Variants in FBXL17 observed in about 807,000 individuals in gnomAD.
The protein encoded by FBXL17 is F-box/LRR-repeat protein 17.
A neutral mutation model predicts 66.2 loss-of-function variants in FBXL17; 22 were observed. The observed-to-expected ratio is 0.33, with a 90% CI of 0.24 to 0.47. FBXL17 has a LOEUF of 0.47. Ranked by LOEUF, FBXL17 falls within the 20% of genes least tolerant of loss-of-function variation. FBXL17 has a pLI of 1.00. For missense variants in FBXL17, 878 were observed against 948.2 expected, an observed-to-expected ratio of 0.93 and a Z score of 0.97; for synonymous variants, 474 against 400.5, an observed-to-expected ratio of 1.18 and a Z score of -2.19.
intron 5 of FBXL17, among the ~76,000 whole-genome samples, chr5:108,190,560 T>A (rs188929961): frequency 6.6e-6 from 1 of 152,214 alleles, no homozygotes; most frequent in African/African-American, 2.4e-5. Flanking sequence ...CATGCTTCCA[T>A]ATATATCTTA....
intron 7 of FBXL17, among the ~76,000 whole-genome samples, chr5:107,967,048 A>G (rs1752171039): frequency 6.6e-6 from 1 of 152,134 alleles, no homozygotes; most frequent in African/African-American, 2.4e-5. Flanking sequence ...TATCAATGTG[A>G]ATCAGTGGCA....
Position 108,073,973 on chromosome 5 carries a change from T to C in FBXL17, c.1746-52972A>G, listed in dbSNP as rs1047242840. On this transcript the variant is annotated intron_variant, in intron 6 of 8. Coordinates refer to ENST00000542267, the MANE Select transcript of FBXL17 (RefSeq NM_001163315.3). ...AGTCTCAGGTATTCCTATATAGCAATGCAAACAGACTAACACACTGGCCAA... is the reference window on the plus strand; with the variant it reads ...AGTCTCAGGTATTCCTATATAGCAACGCAAACAGACTAACACACTGGCCAA... 2.0e-5 allele frequency among the ~76,000 whole-genome samples: 3 copies of C among 152,310 alleles called. No individual in the cohort carries two copies. In the South Asian group the frequency reaches 6.2e-4, roughly 32 times the overall value.
chr5:108,223,385 T>C (rs962681), intron 5 of FBXL17, among the ~76,000 whole-genome samples: 8,524 of 152,250 alleles, frequency 0.056, 808 homozygotes, highest in African/African-American at 0.19. Context: ...TGCTCAGCTA[T>C]AATAAGTCGG....
intron 7 of FBXL17, among the ~76,000 whole-genome samples, chr5:107,950,176 A>G (rs1751450318): frequency 1.3e-5 from 2 of 152,096 alleles, no homozygotes; most frequent in Admixed American, 1.3e-4. Flanking sequence ...CTCCAAGAAA[A>G]AGACAGAAGT....
intron 7 of FBXL17, among the ~76,000 whole-genome samples, chr5:107,987,935 T>C (rs1408037363): frequency 6.6e-6 from 1 of 152,028 alleles, no homozygotes; most frequent in Non-Finnish European, 1.5e-5. Context: ...CTGAGACGAT[T>C]ATTTTGTAAA....
intron 6 of FBXL17, among the ~76,000 whole-genome samples, chr5:108,162,519 T>A (rs1752254814): frequency 6.6e-6 from 1 of 151,998 alleles, no homozygotes; most frequent in East Asian, 1.9e-4. Flanking sequence ...CATACAAAAA[T>A]CTGGTAAATG....
At chr5:108,203,638 G>A (rs1753990456) in intron 5 of FBXL17, among the ~76,000 whole-genome samples, 1 of 152,078 alleles carries the variant, frequency 6.6e-6, no homozygotes, top group South Asian at 2.1e-4. Context: ...TATCACTCAA[G>A]CACCTATAAT....
chr5:108,006,360 AAT>A (rs147370977), intron 7 of FBXL17, among the ~76,000 whole-genome samples: 7,242 of 152,224 alleles, frequency 0.048, 408 homozygotes, highest in East Asian at 0.19. Context: ...GCTCTACTTA[AAT>A]ATATTTTGAG....
At chr5:107,990,350 T>C (rs1753192458) in intron 7 of FBXL17, among the ~76,000 whole-genome samples, 1 of 152,184 alleles carries the variant, frequency 6.6e-6, no homozygotes, top group Admixed American at 6.5e-5. Flanking sequence ...ACCATGTGTT[T>C]TTAAAATTAG....
At chr5:107,880,522 T>C (rs1240170659) in intron 8 of FBXL17, 1 of 1,006,616 alleles carries the variant, frequency 9.9e-7, no homozygotes, top group African/African-American at 1.7e-5. Flanking sequence ...TGGCATCTGA[T>C]GTATGGGGAG....
intron 7 of FBXL17, among the ~76,000 whole-genome samples, chr5:107,881,863 G>A (rs1260912375): frequency 3.9e-5 from 6 of 152,144 alleles, no homozygotes; most frequent in African/African-American, 1.4e-4. Flanking sequence ...TGTAAACTAT[G>A]AGAGTATCTG....
At chr5:107,966,045 A>C (rs1418605455) in intron 7 of FBXL17, among the ~76,000 whole-genome samples, 1 of 152,152 alleles carries the variant, frequency 6.6e-6, no homozygotes, top group Non-Finnish European at 1.5e-5. Context: ...TACACCTTGT[A>C]AATTTATTTT....
chr5:108,148,877 A>G (rs1040298633), intron 6 of FBXL17, among the ~76,000 whole-genome samples: 6 of 152,218 alleles, frequency 3.9e-5, no homozygotes, highest in Non-Finnish European at 7.3e-5. Flanking sequence ...TGAACTATAT[A>G]AAAGTATGTC....
At chr5:108,301,798 G>GTTCA (rs1034902211) in intron 4 of FBXL17, among the ~76,000 whole-genome samples, 4 of 151,210 alleles carry the variant, frequency 2.6e-5, no homozygotes, top group African/African-American at 4.9e-5. Context: ...ATCCAAAAAA[G>GTTCA]TTCAGCACAT....
intron 7 of FBXL17, among the ~76,000 whole-genome samples, chr5:107,907,959 G>T (rs1374460396): frequency 6.6e-6 from 1 of 152,076 alleles, no homozygotes; most frequent in Non-Finnish European, 1.5e-5. Context: ...ATACCCAAAG[G>T]ACTATAAATC....
At chr5:108,337,665 C>A in intron 4 of FBXL17, among the ~76,000 whole-genome samples, 1 of 147,262 alleles carries the variant, frequency 6.8e-6, no homozygotes, top group Non-Finnish European at 1.5e-5. Flanking sequence ...TGAACACATT[C>A]TGGAAGAAAG....
At chr5:108,012,923 G>A (rs895334601) in intron 7 of FBXL17, among the ~76,000 whole-genome samples, 5 of 150,674 alleles carry the variant, frequency 3.3e-5, no homozygotes, top group Admixed American at 6.7e-5. Context: ...GCTGAAGCAG[G>A]AGAATCGCTT....
At chr5:107,879,037 C>T (rs1416365231) in intron 8 of FBXL17, 4 of 985,312 alleles carry the variant, frequency 4.1e-6, no homozygotes, top group African/African-American at 1.7e-5. Context: ...GACTAATTTG[C>T]ATTTGGGTAG....
intron 6 of FBXL17, among the ~76,000 whole-genome samples, chr5:108,107,588 A>G (rs559340469): frequency 5.9e-5 from 9 of 151,948 alleles, no homozygotes; most frequent in Non-Finnish European, 8.8e-5. Flanking sequence ...CAAGGCGGGC[A>G]GATCACGAGG....
Sources: allele counts gnomAD v4.1 joint callset (sites outside exome capture counted in the v4.1 genomes callset), GRCh38; gene constraint gnomAD v4.1.1; transcripts MANE v1.5; gene names NCBI Gene and HGNC (gene_info 2026-07-23, HGNC 2026-07-21).